CAPN11: variants seen among roughly 807,000 people sequenced by gnomAD.
CAPN11 encodes calpain 11.
CAPN11 carries 108 observed loss-of-function variants against 105.3 expected under a neutral mutation model. The ratio of observed to expected loss-of-function variants is 1.03; its 90% CI spans 0.88 to 1.20. CAPN11 has a LOEUF of 1.20. Ranked by LOEUF, CAPN11 falls within the 50% of genes most tolerant of loss-of-function variation. The pLI is 0.00. For synonymous variants in CAPN11, 329 were observed against 344.5 expected (o/e 0.96, Z 0.50); for missense variants, 883 against 924.8 (o/e 0.95, Z 0.59).
chr6:44,178,416 T>C (rs945692627), intron 12 of CAPN11, among the ~76,000 whole-genome samples: 2 of 152,164 alleles, frequency 1.3e-5, no homozygotes, highest in African/African-American at 4.8e-5. Flanking sequence ...AACCATGCTT[T>C]GCAAAATTCT....
chr6:44,170,135 C>T (rs1445292651), intron 4 of CAPN11, among the ~76,000 whole-genome samples, 160 bp downstream of exon 4: 1 of 152,090 alleles, frequency 6.6e-6, no homozygotes, highest in African/African-American at 2.4e-5. Context: ...GTGAGAACAC[C>T]GTGCATTCTT....
chr6:44,177,918 C>T (rs560511307), intron 12 of CAPN11, among the ~76,000 whole-genome samples: 7 of 152,178 alleles, frequency 4.6e-5, no homozygotes, highest in South Asian at 2.1e-4. Flanking sequence ...AATGCAGTGG[C>T]GTGATTACGG....
At chr6:44,162,768 G>T (rs1014420554) in intron 1 of CAPN11, among the ~76,000 whole-genome samples, 17 of 152,202 alleles carry the variant, frequency 1.1e-4, no homozygotes, top group African/African-American at 4.1e-4. Flanking sequence ...GGGAGGAATC[G>T]CATGGGAGGG....
At chr6:44,173,699 C>G (rs1350577950) in intron 7 of CAPN11, among the ~76,000 whole-genome samples, 1 of 152,028 alleles carries the variant, frequency 6.6e-6, no homozygotes, top group Non-Finnish European at 1.5e-5. Context: ...TCTCCTCCCT[C>G]AGCCTCCCAA....
intron 1 of CAPN11, among the ~76,000 whole-genome samples, chr6:44,163,856 G>A (rs1024457130): frequency 1.3e-5 from 2 of 152,070 alleles, no homozygotes; most frequent in African/African-American, 2.4e-5. Flanking sequence ...TTGTTTTTGA[G>A]ATGGGGGGTC....
chr6:44,175,243 G>T (rs1173570084), intron 7 of CAPN11, among the ~76,000 whole-genome samples: 2 of 152,200 alleles, frequency 1.3e-5, no homozygotes, highest in African/African-American at 4.8e-5. Flanking sequence ...ACTTTGGGAG[G>T]CTGAGGAGGA....
chr6:44,181,537 TCACA>T (rs1235653229), intron 19 of CAPN11, among the ~76,000 whole-genome samples: 3 of 2,774 alleles, frequency 1.1e-3, no homozygotes, highest in African/African-American at 2.2e-3. Flanking sequence ...CACACCACAC[TCACA>T]CACACACACA....
At chr6:44,170,303 A>G (rs750365084) in intron 4 of CAPN11, among the ~76,000 whole-genome samples, 8 of 152,260 alleles carry the variant, frequency 5.3e-5, no homozygotes, top group Non-Finnish European at 1.0e-4. Context: ...TCAGAAATTC[A>G]GAAGCAGAAT....
chr6:44,172,607 A>C (rs1771202687), intron 5 of CAPN11, among the ~76,000 whole-genome samples, 187 bp downstream of exon 5: 1 of 152,210 alleles, frequency 6.6e-6, no homozygotes, highest in African/African-American at 2.4e-5. Context: ...CCCAAAAGAA[A>C]ATAGTTGTTA....
intron 1 of CAPN11, among the ~76,000 whole-genome samples, chr6:44,159,269 G>C (rs1046424496): frequency 3.9e-5 from 6 of 152,172 alleles, no homozygotes; most frequent in Admixed American, 3.9e-4. Flanking sequence ...GGAACAGAGA[G>C]AACCTCTCCT....
chr6:44,175,245 T>G (rs1477903969), intron 7 of CAPN11, among the ~76,000 whole-genome samples: 1 of 151,998 alleles, frequency 6.6e-6, no homozygotes, highest in African/African-American at 2.4e-5. Flanking sequence ...TTTGGGAGGC[T>G]GAGGAGGACA....
At chr6:44,163,672 G>A (rs1339612867) in intron 1 of CAPN11, among the ~76,000 whole-genome samples, 1 of 152,178 alleles carries the variant, frequency 6.6e-6, no homozygotes, top group Non-Finnish European at 1.5e-5. Flanking sequence ...TGCCAGACAT[G>A]TAGTGAGCCC....
intron 7 of CAPN11, 38 bp from the exon 8 acceptor site, chr6:44,176,030 C>T (rs777618513): frequency 2.1e-6 from 3 of 1,458,630 alleles, no homozygotes; most frequent in African/African-American, 2.8e-5. Context: ...CCATGCCCTC[C>T]ATGCCCTCCA....
chr6:44,173,135 G>A (rs552423781), intron 6 of CAPN11, 62 bp downstream of exon 6: 3 of 1,604,080 alleles, frequency 1.9e-6, no homozygotes, highest in Middle Eastern at 1.7e-4. Flanking sequence ...CTGGAATCAG[G>A]GGGAGGGGAG....
intron 1 of CAPN11, among the ~76,000 whole-genome samples, chr6:44,162,452 A>T (rs1769053848): frequency 6.6e-6 from 1 of 150,826 alleles, no homozygotes; most frequent in South Asian, 2.1e-4. Flanking sequence ...TTCCATTACC[A>T]TTTCTAAGAT....
intron 1 of CAPN11, among the ~76,000 whole-genome samples, chr6:44,166,368 G>A (rs938408588): frequency 6.6e-6 from 1 of 152,142 alleles, no homozygotes; most frequent in Non-Finnish European, 1.5e-5. Flanking sequence ...CTGTGACCTC[G>A]GGCAAGCTGC....
At chr6:44,171,821 T>G (rs979882724) in intron 4 of CAPN11, among the ~76,000 whole-genome samples, 1 of 151,932 alleles carries the variant, frequency 6.6e-6, no homozygotes, top group Non-Finnish European at 1.5e-5. Flanking sequence ...ATCCCAACAC[T>G]TTGGGAGGCC....
chr6:44,162,084 C>T (rs955203633), intron 1 of CAPN11, among the ~76,000 whole-genome samples: 1 of 151,982 alleles, frequency 6.6e-6, no homozygotes, highest in African/African-American at 2.4e-5. Flanking sequence ...ACCAACACTG[C>T]CTCTAGACGT....
At chr6:44,171,295 C>T (rs996969139) in intron 4 of CAPN11, among the ~76,000 whole-genome samples, 28 of 152,180 alleles carry the variant, frequency 1.8e-4, no homozygotes, top group African/African-American at 6.5e-4. Flanking sequence ...TGCTCATCTC[C>T]CATAGGATTC....
Sources: allele counts gnomAD v4.1 joint callset (sites outside exome capture counted in the v4.1 genomes callset), GRCh38; gene constraint gnomAD v4.1.1; transcripts MANE v1.5; gene names NCBI Gene and HGNC (gene_info 2026-07-23, HGNC 2026-07-21).